The following SLC35D4 variants were observed in gnomAD, a reference collection of about 807,000 sequenced individuals.
The protein encoded by SLC35D4 is solute carrier family 35 member D4.
chr18:23,341,627 T>A, the SLC35D4 span, among the ~76,000 whole-genome samples: 1 of 152,238 alleles, frequency 6.6e-6, no homozygotes, highest in Non-Finnish European at 1.5e-5. Flanking sequence ...TATTGCTAAG[T>A]ACGATTTTGT....
the SLC35D4 span, among the ~76,000 whole-genome samples, chr18:23,388,922 T>C: frequency 1.3e-5 from 2 of 152,060 alleles, no homozygotes; most frequent in Admixed American, 6.6e-5. Context: ...ATGCTTCCTG[T>C]ACAGCCTGCA....
the SLC35D4 span, among the ~76,000 whole-genome samples, chr18:23,361,579 A>T: frequency 6.6e-6 from 1 of 152,122 alleles, no homozygotes; most frequent in Admixed American, 6.5e-5. Context: ...AGCTAGCAGG[A>T]AACTTCAACA....
chr18:23,290,558 C>A, the SLC35D4 span, among the ~76,000 whole-genome samples: 9 of 152,160 alleles, frequency 5.9e-5, no homozygotes, highest in African/African-American at 2.2e-4. Flanking sequence ...TCCATCAGCT[C>A]CTCAGGAGAA....
At chr18:23,339,963 A>G in the SLC35D4 span, among the ~76,000 whole-genome samples, 1 of 152,200 alleles carries the variant, frequency 6.6e-6, no homozygotes, top group East Asian at 1.9e-4. Flanking sequence ...GACTAGAGCA[A>G]AGGGGTTCCG....
At chr18:23,410,251 T>C in the SLC35D4 span, among the ~76,000 whole-genome samples, 10 of 149,712 alleles carry the variant, frequency 6.7e-5, no homozygotes, top group Non-Finnish European at 1.2e-4. Context: ...GAGGCCGAGG[T>C]GGGCGGATCA....
chr18:23,239,300 A>G, the SLC35D4 span, among the ~76,000 whole-genome samples: 1 of 152,212 alleles, frequency 6.6e-6, no homozygotes, highest in African/African-American at 2.4e-5. Context: ...TGCTTCTGGG[A>G]ATAGTCCATG....
the SLC35D4 span, among the ~76,000 whole-genome samples, chr18:23,312,457 C>T: frequency 6.6e-6 from 1 of 152,212 alleles, no homozygotes; most frequent in African/African-American, 2.4e-5. Flanking sequence ...CCTGAGTCAC[C>T]TTTCCAAAAT....
chr18:23,338,018 G>A, the SLC35D4 span, among the ~76,000 whole-genome samples: 2 of 152,196 alleles, frequency 1.3e-5, no homozygotes, highest in Non-Finnish European at 1.5e-5. Flanking sequence ...ACAAGGAGGC[G>A]TTGTTATGGA....
chr18:23,427,280 G>T, the SLC35D4 span, among the ~76,000 whole-genome samples: 1 of 152,096 alleles, frequency 6.6e-6, no homozygotes, highest in South Asian at 2.1e-4. Flanking sequence ...CTGACAAACG[G>T]CTAATATCCA....
the SLC35D4 span, among the ~76,000 whole-genome samples, chr18:23,419,373 A>T: frequency 6.6e-6 from 1 of 151,856 alleles, no homozygotes; most frequent in Non-Finnish European, 1.5e-5. Flanking sequence ...GCTCACTGCA[A>T]CCTCCGCCTC....
At chr18:23,433,435 A>G in the SLC35D4 span, among the ~76,000 whole-genome samples, 2 of 152,196 alleles carry the variant, frequency 1.3e-5, no homozygotes, top group African/African-American at 4.8e-5. Context: ...GATGCCAACC[A>G]CTTGTCCAGA....
the SLC35D4 span, chr18:23,373,784 C>G: frequency 1.9e-6 from 3 of 1,611,074 alleles, no homozygotes; most frequent in Admixed American, 5.1e-5. Flanking sequence ...GGAGATAAAA[C>G]ACTGCAGCTT....
chr18:23,434,365 A>G, the SLC35D4 span, among the ~76,000 whole-genome samples: 1 of 152,098 alleles, frequency 6.6e-6, no homozygotes, highest in Non-Finnish European at 1.5e-5. Context: ...TTGTATTTAC[A>G]TTCTCGGGAC....
At chr18:23,437,924 A>AGCAGCAGCAGCGGCAGCG in the SLC35D4 span, 5 of 1,477,610 alleles carry the variant, frequency 3.4e-6, no homozygotes, top group East Asian at 5.0e-5. Context: ...CGACCCCCGC[A>AGCAGCAGCAGCGGCAGCG]GCAGCAGCAG....
the SLC35D4 span, among the ~76,000 whole-genome samples, chr18:23,352,923 C>G: frequency 1.3e-5 from 2 of 152,208 alleles, no homozygotes; most frequent in Non-Finnish European, 1.5e-5. Context: ...TGTGGACCAA[C>G]AAGGGCGAGG....
chr18:23,243,867 C>A, the SLC35D4 span, among the ~76,000 whole-genome samples: 1 of 116,604 alleles, frequency 8.6e-6, no homozygotes, highest in African/African-American at 4.8e-5. Context: ...ACCAAGACTC[C>A]GTTTCAAAAA....
chr18:23,335,736 C>T, the SLC35D4 span, among the ~76,000 whole-genome samples: 2 of 152,176 alleles, frequency 1.3e-5, no homozygotes, highest in African/African-American at 4.8e-5. Flanking sequence ...TTATTGGACA[C>T]CATACTACAA....
chr18:23,385,159 T>A, the SLC35D4 span: 1 of 1,231,326 alleles, frequency 8.1e-7, no homozygotes, highest in Non-Finnish European at 1.1e-6. Context: ...TAAAGAGCTG[T>A]GGAAACTTTT....
the SLC35D4 span, among the ~76,000 whole-genome samples, chr18:23,371,047 C>T: frequency 1.9e-3 from 285 of 152,012 alleles, 3 homozygotes; most frequent in African/African-American, 6.5e-3. Flanking sequence ...GTAAGCTTCC[C>T]TCCCTCCTTC....
Sources: gnomAD v4.1 joint callset for allele counts (sites outside exome capture counted in the v4.1 genomes callset) on GRCh38, gnomAD v4.1.1 for gene constraint, MANE v1.5 for transcripts, NCBI Gene and HGNC (gene_info 2026-07-23, HGNC 2026-07-21) for gene names.